Variants in FRK observed in about 807,000 individuals in gnomAD.
The protein encoded by FRK is tyrosine-protein kinase FRK.
FRK carries 51 observed loss-of-function variants against 56.4 expected under a neutral mutation model. The ratio of observed to expected loss-of-function variants is 0.90; its 90% CI spans 0.72 to 1.14. The LOEUF is 1.14. Among genes scored for constraint, FRK ranks in the 50% most tolerant of loss-of-function variants. FRK has a pLI of 0.00. For missense variants in FRK, 570 were observed against 601.4 expected, an observed-to-expected ratio of 0.95 and a Z score of 0.55; for synonymous variants, 245 against 217.9, an observed-to-expected ratio of 1.12 and a Z score of -1.10.
At chr6:116,058,038 GAGTTGCAGAT>G (rs1198768393) in intron 1 of FRK, among the ~76,000 whole-genome samples, 4 of 152,134 alleles carry the variant, frequency 2.6e-5, no homozygotes, top group African/African-American at 9.7e-5. Context: ...CAACCCCAGA[GAGTTGCAGAT>G]GAGGAAATTG....
chr6:115,950,459 C>T (rs1011399757), intron 5 of FRK, among the ~76,000 whole-genome samples: 3 of 152,120 alleles, frequency 2.0e-5, no homozygotes, highest in African/African-American at 4.8e-5. Context: ...CAAACCAAAA[C>T]CACAATGAGA....
intron 2 of FRK, among the ~76,000 whole-genome samples, chr6:116,000,232 T>C (rs1163993406): frequency 0.03 from 1,178 of 39,298 alleles, 42 homozygotes; most frequent in African/African-American, 0.095. Context: ...TCTTTTTTTT[T>C]TTTTTTTTTT....
At chr6:115,965,786 A>G (rs1412319271) in intron 4 of FRK, among the ~76,000 whole-genome samples, 2 of 24,564 alleles carry the variant, frequency 8.1e-5, no homozygotes, top group African/African-American at 1.5e-4. Flanking sequence ...CATTCTCAGT[A>G]AACTATCGCA....
chr6:116,001,132 G>A (rs1296262225), intron 2 of FRK, among the ~76,000 whole-genome samples: 6 of 152,082 alleles, frequency 3.9e-5, no homozygotes, highest in Non-Finnish European at 8.8e-5. Context: ...CAGCTACTGG[G>A]GAGGCTGAGG....
intron 1 of FRK, chr6:116,039,378 C>G: frequency 2.6e-6 from 4 of 1,521,528 alleles, no homozygotes; most frequent in Non-Finnish European, 3.6e-6. Context: ...TTTATGGAGG[C>G]TCTGTGATGG....
the FRK span, among the ~76,000 whole-genome samples, chr6:116,082,687 T>C: frequency 5.9e-5 from 9 of 152,310 alleles, no homozygotes; most frequent in South Asian, 1.9e-3. Flanking sequence ...GGAAAGACTA[T>C]GGATACAGCA....
chr6:115,996,667 C>T (rs1055237742), intron 2 of FRK, among the ~76,000 whole-genome samples: 7 of 152,070 alleles, frequency 4.6e-5, no homozygotes, highest in African/African-American at 1.7e-4. Flanking sequence ...TTGTAGACTA[C>T]AATGTAAAGA....
chr6:115,973,483 C>T (rs1029564692), intron 2 of FRK, among the ~76,000 whole-genome samples: 1 of 152,070 alleles, frequency 6.6e-6, no homozygotes, highest in Admixed American at 6.6e-5. Context: ...GTGCAGCAAA[C>T]CACCATGGCA....
At chr6:116,022,544 A>G (rs1775911407) in intron 1 of FRK, among the ~76,000 whole-genome samples, 1 of 152,162 alleles carries the variant, frequency 6.6e-6, no homozygotes, top group Non-Finnish European at 1.5e-5. Context: ...TGAAAAAGAA[A>G]AACTATATAA....
chr6:116,048,609 C>T, intron 1 of FRK, among the ~76,000 whole-genome samples: 1 of 152,046 alleles, frequency 6.6e-6, no homozygotes, highest in East Asian at 1.9e-4. Flanking sequence ...TGGTCTCAAA[C>T]TCCTGGGCTC....
Position 115,968,648 on chromosome 6 carries a change from C to T in FRK, c.558G>A (p.Leu186=). ...FLTRRRIFST[L]NEFVSHYTKT... Reference sequence around the variant, plus strand: ...TGGTGTAGTGGCTCACAAATTCGTTCAGTGTTGAAAAGATTCTTCTTCGCG... The same window carrying T: ...TGGTGTAGTGGCTCACAAATTCGTTTAGTGTTGAAAAGATTCTTCTTCGCG... The change falls in exon 3 of 8, where the codon CTG becomes CTA. Residue 186 remains leucine, a synonymous_variant. Transcript: ENST00000606080. 1.9e-6 allele frequency: 3 copies of T among 1,613,876 alleles called. No individual in the cohort carries two copies. In the South Asian group the frequency reaches 3.3e-5, roughly 18 times the overall value.
intron 2 of FRK, among the ~76,000 whole-genome samples, chr6:115,972,924 C>T (rs1347204816): frequency 6.6e-6 from 1 of 152,170 alleles, no homozygotes; most frequent in Non-Finnish European, 1.5e-5. Context: ...AGATTTCACA[C>T]AGCAGATCTA....
chr6:116,010,299 G>C (rs950898200), intron 1 of FRK, among the ~76,000 whole-genome samples: 3 of 152,066 alleles, frequency 2.0e-5, no homozygotes, highest in African/African-American at 7.2e-5. Flanking sequence ...AATGACAGAG[G>C]AGTTTCACTT....
intron 1 of FRK, among the ~76,000 whole-genome samples, chr6:116,036,880 C>T (rs1776504409): frequency 6.6e-6 from 1 of 152,090 alleles, no homozygotes; most frequent in South Asian, 2.1e-4. Flanking sequence ...TTCTCTAATC[C>T]AAGTTCAATT....
rs1419480589 is a variant in FRK, at chr6:116,054,467, TAATATATATAATATATAATAGTATA to T, written c.344+5476_344+5500del. On this transcript the variant is annotated intron_variant, in intron 1 of 7. Transcript: ENST00000606080. ...TATTTATACTATATTATATATAATATAATATATATAATATATAATAGTATATTATACTATTATAATATTATACTAT... is the reference window on the plus strand; with the variant it reads ...TATTTATACTATATTATATATAATATTTATACTATTATAATATTATACTAT... Among the ~76,000 whole-genome samples, 3 of 143,878 alleles carry T rather than the reference TAATATATATAATATATAATAGTATA, an allele frequency of 2.1e-5. No homozygotes were observed. In the East Asian group the frequency reaches 5.9e-4, roughly 28 times the overall value. The allele number at this position is 143,878 out of a possible 152,430, so 94.4% of individuals were successfully genotyped here. A position where few individuals can be genotyped will look rare whatever the true frequency, so the allele number is the denominator to read the frequency against.
At chr6:116,034,072 C>A (rs549424392) in intron 1 of FRK, among the ~76,000 whole-genome samples, 12 of 152,152 alleles carry the variant, frequency 7.9e-5, no homozygotes, top group South Asian at 2.1e-4. Context: ...GCTGGGGTAA[C>A]CTTTGCGGGG....
chr6:115,942,315 G>T lies in FRK; in HGVS notation c.*99C>A. The T allele has an allele frequency of 1.0e-6, 1 of 987,282 alleles. No homozygotes were observed. Among genetic ancestry groups the T allele is most frequent in the Non-Finnish European group, 1.6e-6 (1 of 644,018 alleles). The allele number at this position is 987,282 out of a possible 1,614,324, so 61.2% of individuals were successfully genotyped here. A position where few individuals can be genotyped will look rare whatever the true frequency, so the allele number is the denominator to read the frequency against. On this transcript the variant is annotated 3_prime_UTR_variant, in exon 8 of 8. Coordinates refer to ENST00000606080, the MANE Select transcript of FRK (RefSeq NM_002031.3). The stretch of plus-strand genomic sequence containing the variant: ...TTTATCCTATCACTTGAATATGTCA[G>T]GATAAACTGATTGTGCAGTTGGTTG...
At chr6:116,031,157 G>A (rs568202641) in intron 1 of FRK, among the ~76,000 whole-genome samples, 18 of 151,998 alleles carry the variant, frequency 1.2e-4, no homozygotes, top group African/African-American at 9.7e-5. Context: ...TAAGATGAGG[G>A]TTAAATTATG....
At chr6:115,987,940 CTTACT>C (rs1411420250) in intron 2 of FRK, among the ~76,000 whole-genome samples, 1 of 152,044 alleles carries the variant, frequency 6.6e-6, no homozygotes, top group Non-Finnish European at 1.5e-5. Context: ...GTGCTTCCTA[CTTACT>C]TTACTTTTCA....
Sources: allele counts gnomAD v4.1 joint callset (sites outside exome capture counted in the v4.1 genomes callset), GRCh38; gene constraint gnomAD v4.1.1; transcripts MANE v1.5; gene names NCBI Gene and HGNC (gene_info 2026-07-23, HGNC 2026-07-21).